Variants in SPMIP8 observed in about 807,000 individuals in gnomAD.
SPMIP8 encodes testicular tissue protein Li 196.
chr16:57,977,421 A>AAAAG, the SPMIP8 span, among the ~76,000 whole-genome samples: 285 of 150,856 alleles, frequency 1.9e-3, 1 homozygote, highest in South Asian at 5.0e-3. Flanking sequence ...AAAAAAAAAA[A>AAAAG]AAAGAAAAGA....
the SPMIP8 span, chr16:57,986,825 C>T: frequency 6.6e-6 from 1 of 152,258 alleles, no homozygotes; most frequent in Non-Finnish European, 1.5e-5. Flanking sequence ...AACTCCTGAC[C>T]TTATGATCCA....
the SPMIP8 span, chr16:57,984,655 A>G: frequency 1.1e-5 from 18 of 1,591,508 alleles, no homozygotes; most frequent in Non-Finnish European, 8.6e-7. Context: ...GCCACAGGCC[A>G]GAAGCTTCGC....
At chr16:57,985,509 G>C in the SPMIP8 span, 2 of 1,611,858 alleles carry the variant, frequency 1.2e-6, no homozygotes, top group Non-Finnish European at 1.7e-6. Context: ...CCCCAGCCTG[G>C]ACCGCTACGG....
chr16:57,977,965 G>T, the SPMIP8 span: 5 of 1,614,138 alleles, frequency 3.1e-6, no homozygotes, highest in Non-Finnish European at 3.4e-6. Context: ...CCCACCCTGC[G>T]CCACATGGAC....
chr16:57,983,388 A>C, the SPMIP8 span, among the ~76,000 whole-genome samples: 1 of 152,066 alleles, frequency 6.6e-6, no homozygotes, highest in Non-Finnish European at 1.5e-5. Flanking sequence ...TTGTTTTTTG[A>C]CATTTGTTTT....
At chr16:57,984,461 C>T in the SPMIP8 span, 1 of 1,554,678 alleles carries the variant, frequency 6.4e-7, no homozygotes, top group Non-Finnish European at 8.8e-7. Flanking sequence ...TTCTCAGGTG[C>T]CTGCTTGGGA....
the SPMIP8 span, among the ~76,000 whole-genome samples, chr16:57,982,528 G>A: frequency 6.6e-6 from 1 of 152,158 alleles, no homozygotes; most frequent in Non-Finnish European, 1.5e-5. Flanking sequence ...CCAGCAGCTA[G>A]GTGTAGAGAT....
At chr16:57,985,040 G>C in the SPMIP8 span, 1 of 1,089,624 alleles carries the variant, frequency 9.2e-7, no homozygotes, top group African/African-American at 1.6e-5. Context: ...TTCGGGCCGG[G>C]GGCTTTGCCC....
the SPMIP8 span, chr16:57,985,207 G>A: frequency 2.0e-6 from 3 of 1,532,712 alleles, no homozygotes; most frequent in South Asian, 2.5e-5. Flanking sequence ...TGTTCGCAGC[G>A]GAGGGTCTCA....
the SPMIP8 span, chr16:57,985,233 G>A: frequency 1.3e-6 from 2 of 1,553,468 alleles, no homozygotes; most frequent in Admixed American, 2.0e-5. Context: ...TACGCGGTGC[G>A]GTACTTGAAG....
the SPMIP8 span, chr16:57,984,151 G>T: frequency 4.3e-6 from 3 of 699,990 alleles, no homozygotes; most frequent in Admixed American, 2.1e-5. Flanking sequence ...TGATCCACCC[G>T]CCTCGGCCTC....
chr16:57,977,560 A>AGAGTGTGTGT, the SPMIP8 span, among the ~76,000 whole-genome samples: 7 of 132,642 alleles, frequency 5.3e-5, no homozygotes, highest in African/African-American at 2.0e-4. Context: ...GCACAATGTG[A>AGAGTGTGTGT]GTGTGTGTGT....
chr16:57,976,942 G>T, the SPMIP8 span, among the ~76,000 whole-genome samples: 2 of 152,282 alleles, frequency 1.3e-5, no homozygotes, highest in Admixed American at 1.3e-4. Context: ...ATCCAGTAAT[G>T]CTTTTCTAGT....
the SPMIP8 span, chr16:57,984,202 C>A: frequency 2.5e-6 from 3 of 1,180,290 alleles, no homozygotes; most frequent in South Asian, 1.2e-5. Context: ...TCGTGCCCGG[C>A]CTCAAAAAAT....
chr16:57,980,367 C>T, the SPMIP8 span, among the ~76,000 whole-genome samples: 5 of 152,322 alleles, frequency 3.3e-5, no homozygotes, highest in East Asian at 9.7e-4. Context: ...GAGACTTAAC[C>T]TTTAAATGTA....
At chr16:57,976,744 C>A in the SPMIP8 span, 1 of 1,288,890 alleles carries the variant, frequency 7.8e-7, no homozygotes, top group Non-Finnish European at 1.1e-6. Flanking sequence ...TGCCTTGTCA[C>A]CATGCCCCCT....
At chr16:57,976,745 C>T in the SPMIP8 span, 1 of 1,278,160 alleles carries the variant, frequency 7.8e-7, no homozygotes, top group Non-Finnish European at 1.1e-6. Context: ...GCCTTGTCAC[C>T]ATGCCCCCTC....
the SPMIP8 span, chr16:57,984,614 C>A: frequency 6.5e-7 from 1 of 1,547,022 alleles, no homozygotes; most frequent in Non-Finnish European, 8.7e-7. Context: ...CCGCGCGGGC[C>A]TGACCCCCGT....
chr16:57,985,126 T>TGGGC, the SPMIP8 span: 3 of 1,267,228 alleles, frequency 2.4e-6, no homozygotes, highest in Non-Finnish European at 3.0e-6. Context: ...GGCTGGATTG[T>TGGGC]GGGCGGGGCT....
Sources: allele counts gnomAD v4.1 joint callset (sites outside exome capture counted in the v4.1 genomes callset), GRCh38; gene constraint gnomAD v4.1.1; transcripts MANE v1.5; gene names NCBI Gene and HGNC (gene_info 2026-07-23, HGNC 2026-07-21).